Variants in TRMT61A observed in about 807,000 individuals in gnomAD.
The protein encoded by TRMT61A is tRNA (adenine(58)-N(1))-methyltransferase catalytic subunit TRMT61A.
A neutral mutation model predicts 21.3 loss-of-function variants in TRMT61A; 15 were observed. The observed-to-expected ratio is 0.70, with a 90% CI of 0.47 to 1.08. The LOEUF (loss-of-function observed/expected upper bound fraction) is 1.08, where lower values mean the gene tolerates loss of function less well. Ranked by LOEUF, TRMT61A falls within the 50% of genes least tolerant of loss-of-function variation. The probability of loss-of-function intolerance (pLI) is 0.00; values close to 1 mark genes in which losing one functional copy is unlikely to be tolerated. For missense variants in TRMT61A, 352 were observed against 426.7 expected (o/e 0.83, Z 1.54); for synonymous variants, 183 against 185.5 (o/e 0.99, Z 0.11).
rs1433539750 is a variant in TRMT61A, at chr14:103,530,042, C to A, written c.64C>A (p.His22Asn). The A allele has an allele frequency of 3.1e-6, 5 of 1,612,858 alleles. No individual in the cohort carries two copies. Among genetic ancestry groups the A allele is most frequent in the Non-Finnish European group, 4.2e-6 (5 of 1,179,872 alleles). ...TGACACGGCCATCCTGTCACTGGGC[C>A]ATGGTGCAATGGTGGCGGTGCGTGT... ...EGDTAILSLG[H>N]GAMVAVRVQR... is the part of the protein sequence containing the mutation. Residue 22 changes from histidine (H) to asparagine (N), a missense_variant, in exon 2 of 4, where the codon CAT becomes AAT. By Grantham distance (68) the His-to-Asn change is moderately conservative. Transcript: ENST00000389749.
intron 2 of TRMT61A, among the ~76,000 whole-genome samples, chr14:103,530,563 C>T (rs2075950812): frequency 6.6e-6 from 1 of 152,196 alleles, no homozygotes; most frequent in Admixed American, 6.5e-5. Flanking sequence ...AGTGAGGGTC[C>T]TGCTTGCCTT....
Position 103,534,725 on chromosome 14 carries a change from C to T in TRMT61A, c.774C>T (p.Ala258=), listed in dbSNP as rs762500954. 56 of 1,603,768 alleles carry T rather than the reference C, an allele frequency of 3.5e-5. 1 individual carries two copies. The highest frequency in any genetic ancestry group is 1.6e-4 in the Middle Eastern group (1 of 6,070). Residue 258 remains alanine (A), a synonymous_variant, in exon 4 of 4, where the codon GCC becomes GCT. Coordinates refer to ENST00000389749, the MANE Select transcript of TRMT61A (RefSeq NM_152307.3). ...TGGGCACAGGCACAGATGGCCCTGC[C>T]GGCTCCGACACCAGCCCCTTCCGCA... ...PDLGTGTDGP[A]GSDTSPFRSG...
In TRMT61A at chr14:103,531,418, A is replaced by G. The variant is rs1383419190; in HGVS notation, c.331+1109A>G. ...GCCAAGGGACAGCTCTGCACCAAGG[A>G]GGAGCCGTGCCGAGGCCCTGCAGTT... is the stretch of plus-strand genomic sequence containing the variant. On this transcript the variant is annotated intron_variant, in intron 2 of 3. Transcript: ENST00000389749. This position sits in a 1 kb window ranked among gnomAD's most constrained non-coding sequence, Gnocchi z 5.1. 6.6e-6 allele frequency among the ~76,000 whole-genome samples: 1 copy of G among 152,100 alleles called. No individual in the cohort carries two copies. The highest frequency in any genetic ancestry group is 1.5e-5 in the Non-Finnish European group (1 of 68,032).
In TRMT61A at chr14:103,530,215, C is replaced by A; in HGVS notation, c.237C>A (p.Asn79Lys). 2 of 1,612,120 alleles carry A rather than the reference C, an allele frequency of 1.2e-6. No individual in the cohort carries two copies. The highest frequency in any genetic ancestry group is 1.7e-6 in the Non-Finnish European group (2 of 1,179,162). ...CCACGCCCGAGCTCTGGACGCTGAA[C>A]CTGCCGCACCGCACGCAGATCCTCT... The part of the protein sequence containing the change: ...LHPTPELWTL[N>K]LPHRTQILYS... Residue 79 changes from asparagine to lysine, a missense_variant, in exon 2 of 4, where the codon AAC becomes AAA. By Grantham distance (94) the Asn-to-Lys change is moderately conservative (BLOSUM62 0). Coordinates refer to ENST00000389749, the MANE Select transcript of TRMT61A (RefSeq NM_152307.3).
chr14:103,532,747 G>T lies in TRMT61A; in HGVS notation c.497G>T (p.Arg166Leu), dbSNP rs767496789. Residue 166 changes from arginine to leucine, a missense_variant, in exon 3 of 4, where the codon CGC becomes CTC. By Grantham distance (102) the Arg-to-Leu change is moderately radical. Coordinates refer to ENST00000389749, the MANE Select transcript of TRMT61A (RefSeq NM_152307.3). ...ACTGTGCGCACCCAGGACGTGTGCCGCAGTGGCTTTGGCGTGAGCCACGTG... is the reference window on the plus strand; with the variant it reads ...ACTGTGCGCACCCAGGACGTGTGCCTCAGTGGCTTTGGCGTGAGCCACGTG... ...WVTVRTQDVC[R>L]SGFGVSHVAD... 6.2e-7 allele frequency: 1 copy of T among 1,601,526 alleles called. No individual in the cohort carries two copies.
rs1376539855 is a variant in TRMT61A, at chr14:103,536,783, C to G, written c.*1962C>G. 6.6e-6 allele frequency: 1 copy of G among 152,242 alleles called. No individual in the cohort carries two copies. 9.4% of individuals were successfully genotyped at this position (152,242 alleles called of 1,614,324 possible). On this transcript the variant is annotated 3_prime_UTR_variant, in exon 4 of 4. Coordinates refer to ENST00000389749, the MANE Select transcript of TRMT61A (RefSeq NM_152307.3). ...GTAGGGTCCAGGTTGTGCCCATTTT[C>G]CAGCCGGGGCTGGTTGCCCTGGTGG...
chr14:103,529,792 A>G (rs1340946773), intron 1 of TRMT61A, among the ~76,000 whole-genome samples, 158 bp from the exon 2 acceptor site: 2 of 152,336 alleles, frequency 1.3e-5, no homozygotes, highest in African/African-American at 4.8e-5. Context: ...GTGCAGCGCT[A>G]TTGGGCTCCC....
Position 103,534,872 on chromosome 14 carries a change from A to G in TRMT61A, c.*51A>G, listed in dbSNP as rs771085817. 54 of 1,527,014 alleles carry G rather than the reference A, an allele frequency of 3.5e-5. No individual in the cohort carries two copies. The highest frequency in any genetic ancestry group is 4.5e-5 in the Non-Finnish European group (51 of 1,139,508). The allele number at this position is 1,527,014 out of a possible 1,614,324, so 94.6% of individuals were successfully genotyped here. On this transcript the variant is annotated 3_prime_UTR_variant, in exon 4 of 4. Transcript: ENST00000389749. ...AGCTGGGAGCACTGAAGGGCTGGGC[A>G]GGGAGGCCAGAGGCACCTTATATGG...
intron 3 of TRMT61A, among the ~76,000 whole-genome samples, chr14:103,533,587 G>A (rs2075962451): frequency 1.3e-5 from 2 of 152,148 alleles, no homozygotes; most frequent in Non-Finnish European, 2.9e-5. Flanking sequence ...TTCTGGGCCT[G>A]GACCATAGTC....
intron 3 of TRMT61A, among the ~76,000 whole-genome samples, chr14:103,534,186 C>T (rs921029355): frequency 1.4e-4 from 21 of 152,264 alleles, no homozygotes; most frequent in Non-Finnish European, 2.1e-4. Context: ...CCCACGCTGC[C>T]GTGCTGTCAG....
chr14:103,531,533 C>T lies in TRMT61A; in HGVS notation c.332-1049C>T, dbSNP rs761228651. 3.3e-5 allele frequency among the ~76,000 whole-genome samples: 5 copies of T among 152,042 alleles called. No individual in the cohort carries two copies. The highest frequency in any genetic ancestry group is 7.4e-5 in the Non-Finnish European group (5 of 67,998). Reference sequence around the variant, plus strand: ...AAGCGAGCTCCACCCCGGAGGCTAACAAGTCTGACTTGCCCCTTAGTGGGA... The same window carrying T: ...AAGCGAGCTCCACCCCGGAGGCTAATAAGTCTGACTTGCCCCTTAGTGGGA... On this transcript the variant is annotated intron_variant, in intron 2 of 3. Transcript: ENST00000389749. This position sits in a 1 kb window ranked among gnomAD's most constrained non-coding sequence, Gnocchi z 5.1.
At chr14:103,532,323 G>A (rs528293155) in intron 2 of TRMT61A, among the ~76,000 whole-genome samples, 21 of 152,254 alleles carry the variant, frequency 1.4e-4, no homozygotes, top group Admixed American at 1.1e-3. Context: ...CACTGGCCTC[G>A]CCTGTGCCCA....
At chr14:103,532,376 C>T (rs2075957436) in intron 2 of TRMT61A, among the ~76,000 whole-genome samples, 1 of 152,198 alleles carries the variant, frequency 6.6e-6, no homozygotes, top group Non-Finnish European at 1.5e-5. Context: ...CCCCAGCTCA[C>T]CCCTAGACAG....
chr14:103,534,789 T>C lies in TRMT61A; in HGVS notation c.838T>C (p.Tyr280His), dbSNP rs371063129. 8 of 1,560,672 alleles carry C rather than the reference T, an allele frequency of 5.1e-6. No individual in the cohort carries two copies. The highest frequency in any genetic ancestry group is 6.9e-6 in the Non-Finnish European group (8 of 1,156,200). The change falls in exon 4 of 4, where the codon TAC (tyrosine) becomes CAC (histidine). Residue 280 changes from tyrosine to histidine, a missense_variant. Coordinates refer to ENST00000389749, the MANE Select transcript of TRMT61A (RefSeq NM_152307.3). ...PMKEAVGHTG[Y>H]LTFATKTPG Reference sequence around the variant, plus strand: ...GAAGGAGGCCGTGGGCCACACCGGCTACCTGACCTTCGCCACCAAGACCCC... The same window carrying C: ...GAAGGAGGCCGTGGGCCACACCGGCCACCTGACCTTCGCCACCAAGACCCC...
rs2142237986 is a variant in TRMT61A at position 103,529,996 on chromosome 14, C to T, written c.18C>T (p.Tyr6=). Residue 6 remains tyrosine (Y), a synonymous_variant, in exon 2 of 4, where the codon TAC becomes TAT. Transcript: ENST00000389749. MSFVA[Y]EELIKEGDTA... is the part of the protein sequence containing the mutation. ...TTAGCACCATGAGCTTCGTGGCATA[C>T]GAGGAGCTGATCAAGGAGGGTGACA... is the stretch of plus-strand genomic sequence containing the variant. 6.2e-7 allele frequency: 1 copy of T among 1,608,678 alleles called. No individual in the cohort carries two copies. Among genetic ancestry groups the T allele is most frequent in the Non-Finnish European group, 8.5e-7 (1 of 1,177,002 alleles).
In TRMT61A at chr14:103,531,715, G is replaced by T. The variant is rs2075954908; in HGVS notation, c.332-867G>T. On this transcript the variant is annotated intron_variant, in intron 2 of 3. Transcript: ENST00000389749. This position sits in a 1 kb window ranked among gnomAD's most constrained non-coding sequence, Gnocchi z 5.1. Reference sequence around the variant, plus strand: ...AGAGGGAGTGGAGGCACCTCCATGGGTCTGGCCCAAGCACTTGCGATGCTC... The same window carrying T: ...AGAGGGAGTGGAGGCACCTCCATGGTTCTGGCCCAAGCACTTGCGATGCTC... Among the ~76,000 whole-genome samples the T allele has an allele frequency of 6.6e-6, 1 of 152,194 alleles. No individual in the cohort carries two copies. The highest frequency in any genetic ancestry group is 6.5e-5 in the Admixed American group (1 of 15,284).
At chr14:103,532,323 G>C (rs528293155) in intron 2 of TRMT61A, among the ~76,000 whole-genome samples, 1 of 152,136 alleles carries the variant, frequency 6.6e-6, no homozygotes, top group African/African-American at 2.4e-5. Context: ...CACTGGCCTC[G>C]CCTGTGCCCA....
At chr14:103,530,858 C>A (rs1286893757) in intron 2 of TRMT61A, among the ~76,000 whole-genome samples, 1 of 152,218 alleles carries the variant, frequency 6.6e-6, no homozygotes, top group South Asian at 2.1e-4. Context: ...GCGATTGAAG[C>A]CAAGATTGGC....
At chr14:103,534,049 G>A (rs1231096071) in intron 3 of TRMT61A, among the ~76,000 whole-genome samples, 1 of 152,242 alleles carries the variant, frequency 6.6e-6, no homozygotes, top group African/African-American at 2.4e-5. Context: ...TGAAGCCCGT[G>A]GCTGCCCTGG....
Sources: gnomAD v4.1 joint callset for allele counts (sites outside exome capture counted in the v4.1 genomes callset) on GRCh38, gnomAD v4.1.1 for gene constraint, Gnocchi (gnomAD v3.1) non-coding constraint, MANE v1.5 for transcripts, NCBI Gene and HGNC (gene_info 2026-07-23, HGNC 2026-07-21) for gene names.